The following DNAJC2 variants were observed in gnomAD, a reference collection of about 807,000 sequenced individuals.
DNAJC2 encodes the protein dnaJ homolog subfamily C member 2.
DNAJC2 carries 32 observed loss-of-function variants against 94.0 expected under a neutral mutation model. That is an observed-to-expected ratio of 0.34 (90% CI 0.26 to 0.46). The LOEUF (loss-of-function observed/expected upper bound fraction) is 0.46. Ranked by LOEUF, DNAJC2 falls within the 20% of genes least tolerant of loss-of-function variation. The pLI, the probability that DNAJC2 is intolerant of heterozygous loss-of-function variation, is 1.00. For synonymous variants in DNAJC2, 210 were observed against 229.7 expected, an observed-to-expected ratio of 0.91 and a Z score of 0.77; for missense variants, 550 against 719.5, an observed-to-expected ratio of 0.76 and a Z score of 2.69.
At chr7:103,337,278 T>A (rs77748730) in intron 3 of DNAJC2, 2,099 of 153,250 alleles carry the variant, frequency 0.014, 17 homozygotes, top group Middle Eastern at 0.031. Flanking sequence ...ACCTTGTCAA[T>A]GAAAACAACA....
chr7:103,312,343 T>A lies in DNAJC2; in HGVS notation c.*226A>T. 1.3e-6 allele frequency: 2 copies of A among 1,581,292 alleles called. No homozygotes were observed. The highest frequency in any genetic ancestry group is 1.7e-6 in the Non-Finnish European group (2 of 1,171,254). On this transcript the variant is annotated 3_prime_UTR_variant, in exon 17 of 17. Coordinates refer to ENST00000379263, the MANE Select transcript of DNAJC2 (RefSeq NM_014377.3). Reference sequence around the variant, plus strand: ...AGCTAGAGAAAAATAAAAATGAACATGTATATACATTTGGAAATTTGAATT... The same window carrying A: ...AGCTAGAGAAAAATAAAAATGAACAAGTATATACATTTGGAAATTTGAATT...
intron 13 of DNAJC2, chr7:103,316,581 C>T: frequency 4.5e-6 from 2 of 444,190 alleles, no homozygotes; most frequent in Non-Finnish European, 7.9e-6. Flanking sequence ...CAACATAAAT[C>T]AAGACTTGTC....
intron 5 of DNAJC2, 101 bp from the exon 6 acceptor site, chr7:103,324,663 C>T (rs1818606361): frequency 3.8e-6 from 4 of 1,063,076 alleles, no homozygotes; most frequent in Non-Finnish European, 5.0e-6. Flanking sequence ...TTACTAATTC[C>T]TCTGATTTCC....
chr7:103,317,130 C>T lies in DNAJC2; in HGVS notation c.1243-116G>A, dbSNP rs7811224. Reference sequence around the variant, plus strand: ...CTCAATGTCATTCTCACTCTGACCCCATACTCCTCTCAGGCCAACCCAAAA... The same window carrying T: ...CTCAATGTCATTCTCACTCTGACCCTATACTCCTCTCAGGCCAACCCAAAA... On this transcript the variant is annotated intron_variant, in intron 12 of 16. Transcript: ENST00000379263. 0.018 allele frequency: 16,401 copies of T among 919,788 alleles called. 1,824 individuals are homozygous for T. The African/African-American group carries it at 0.24, about 14-fold the overall frequency. The allele number at this position is 919,788 out of a possible 1,614,324, so 57.0% of individuals were successfully genotyped here. A position where few individuals can be genotyped will look rare whatever the true frequency, so the allele number is the denominator to read the frequency against.
In DNAJC2 at chr7:103,326,669, G is replaced by C; in HGVS notation, c.446C>G (p.Ser149Cys). 6.2e-7 allele frequency: 1 copy of C among 1,607,138 alleles called. No homozygotes were observed. Among genetic ancestry groups the C allele is most frequent in the Non-Finnish European group, 8.5e-7 (1 of 1,177,866 alleles). The stretch of plus-strand genomic sequence containing the variant: ...AAATGCTCGTCTTTTCACTGGATCA[G>C]ATAACATTTCATAAGCTGAGAAAAA... ...TCITKAYEML[S>C]DPVKRRAFNS... is the part of the protein sequence containing the mutation. The change falls in exon 5 of 17, where the codon TCT becomes TGT. Residue 149 changes from serine (S) to cysteine (C), a missense_variant. Around this residue, in one of 2 missense-constraint regions of DNAJC2, gnomAD observed 279 missense variants for 416.9 expected, o/e 0.67. Transcript: ENST00000379263.
chr7:103,343,069 G>A (rs553740170), intron 1 of DNAJC2, among the ~76,000 whole-genome samples: 9 of 151,328 alleles, frequency 5.9e-5, no homozygotes, highest in South Asian at 2.1e-4. Context: ...GCGCAATCTC[G>A]GCTCACTGCA....
chr7:103,323,249 A>G (rs1029578143), intron 7 of DNAJC2, among the ~76,000 whole-genome samples: 1 of 152,188 alleles, frequency 6.6e-6, no homozygotes, highest in Non-Finnish European at 1.5e-5. Context: ...GTTCTATTTA[A>G]TATTAATTTT....
chr7:103,322,969 G>A (rs890769236), intron 7 of DNAJC2, among the ~76,000 whole-genome samples, 175 bp from the exon 8 acceptor site: 3 of 149,564 alleles, frequency 2.0e-5, no homozygotes, highest in African/African-American at 2.5e-5. Context: ...TGCTCTTGTC[G>A]CCCAGGCTGG....
chr7:103,318,713 A>C (rs1042848936), intron 12 of DNAJC2, among the ~76,000 whole-genome samples: 1 of 152,228 alleles, frequency 6.6e-6, no homozygotes, highest in Non-Finnish European at 1.5e-5. Context: ...TGTAAAATAA[A>C]AGGTATAGAC....
chr7:103,312,657 A>G lies in DNAJC2; in HGVS notation c.1792-14T>C. The G allele has an allele frequency of 2.5e-6, 4 of 1,610,378 alleles. No individual in the cohort carries two copies. The highest frequency in any genetic ancestry group is 2.2e-5 in the East Asian group (1 of 44,840). On this transcript the variant is annotated splice_polypyrimidine_tract_variant and intron_variant, in intron 16 of 16. Transcript: ENST00000379263. ...CTCGACAAGTTCCTAGGAAGGGAGA[A>G]AGGTGTGATTTAAGAAGTTGCGATT...
In DNAJC2 at chr7:103,322,197, CTT is replaced by C. The variant is rs529603989; in HGVS notation, c.934-118_934-117del. The C allele has an allele frequency of 8.5e-4, 681 of 798,270 alleles. 2 individuals carry two copies. In the African/African-American group the frequency reaches 0.011, roughly 12 times the overall value. The allele number at this position is 798,270 out of a possible 1,614,324, so 49.4% of individuals were successfully genotyped here. The stretch of plus-strand genomic sequence containing the variant: ...ATATTAGGAAAAAAGGCAACATAAA[CTT>C]ATTGAAAACTGAAGGATGAACTCGG... On this transcript the variant is annotated intron_variant, in intron 9 of 16. Transcript: ENST00000379263.
chr7:103,321,921 G>A lies in DNAJC2; in HGVS notation c.1083+11C>T, dbSNP rs148392195. On this transcript the variant is annotated intron_variant, in intron 10 of 16. Coordinates refer to ENST00000379263, the MANE Select transcript of DNAJC2 (RefSeq NM_014377.3). ...TTTACTTGTGCCTAGTGTTTGTTCA[G>A]TCTGATATACCTTGCATGAGTTTCG... 1.9e-6 allele frequency: 3 copies of A among 1,609,444 alleles called. No homozygotes were observed. The highest frequency in any genetic ancestry group is 1.7e-6 in the Non-Finnish European group (2 of 1,177,934).
In DNAJC2 at chr7:103,341,836, C is replaced by T. The variant is rs1236837651; in HGVS notation, c.183G>A (p.Glu61=). ...ACTGCAATTCTTCATCTTCTGATTC[C>T]TCGGATAACTCTTTCTTATCCTCCA... The part of the protein sequence containing the change: ...QELEDKKELS[E]ESEDEELQLE... Residue 61 remains glutamate (E), a synonymous_variant, in exon 2 of 17, where the codon GAG becomes GAA. Coordinates refer to ENST00000379263, the MANE Select transcript of DNAJC2 (RefSeq NM_014377.3). 1.2e-6 allele frequency: 2 copies of T among 1,611,950 alleles called. No homozygotes were observed. Among genetic ancestry groups the T allele is most frequent in the Non-Finnish European group, 8.5e-7 (1 of 1,179,388 alleles).
At chr7:103,316,169 T>G (rs1342326133) in intron 13 of DNAJC2, 81 bp from the exon 14 acceptor site, 3 of 840,374 alleles carry the variant, frequency 3.6e-6, no homozygotes, top group East Asian at 2.7e-5. Flanking sequence ...AGATTTTTAC[T>G]GCAGAAAGGT....
chr7:103,327,576 T>TTGA, intron 4 of DNAJC2, 80 bp downstream of exon 4: 1 of 888,496 alleles, frequency 1.1e-6, no homozygotes, highest in Non-Finnish European at 1.8e-6. Context: ...TGAACTACAG[T>TTGA]ATGCATAAGA....
chr7:103,320,151 C>A (rs1372767620), intron 10 of DNAJC2, among the ~76,000 whole-genome samples: 2 of 152,144 alleles, frequency 1.3e-5, no homozygotes, highest in Admixed American at 6.5e-5. Context: ...TCCAGTGGCA[C>A]GAAATCGGCT....
At chr7:103,316,569 G>T in intron 13 of DNAJC2, 1 of 422,676 alleles carries the variant, frequency 2.4e-6, no homozygotes, top group Admixed American at 4.1e-5. Context: ...GACAGAGTAA[G>T]CCAACATAAA....
chr7:103,320,375 C>T (rs992553000), intron 10 of DNAJC2, among the ~76,000 whole-genome samples: 7 of 152,030 alleles, frequency 4.6e-5, no homozygotes, highest in African/African-American at 7.2e-5. Context: ...TGTGAGCCAC[C>T]GCGCCCGGCT....
At position 103,321,941 on chromosome 7, in the gene DNAJC2, G is replaced by A; in HGVS notation, c.1074C>T (p.Asn358=). Residue 358 remains asparagine (N), a synonymous_variant, in exon 10 of 17, where the codon AAC becomes AAT. Transcript: ENST00000379263. The part of the protein sequence containing the change: ...AIKKERQKLR[N]SCKTWNHFSD... ...GTTCAGTCTGATATACCTTGCATGA[G>A]TTTCGAAGTTTTTGCCTTTCCTTCT... is the stretch of plus-strand genomic sequence containing the variant. 2 of 1,613,340 alleles carry A rather than the reference G, an allele frequency of 1.2e-6. No individual in the cohort carries two copies. Among genetic ancestry groups the A allele is most frequent in the African/African-American group, 1.3e-5 (1 of 74,990 alleles).
Sources: gnomAD v4.1 joint callset for allele counts (sites outside exome capture counted in the v4.1 genomes callset) on GRCh38, gnomAD v4.1.1 for gene constraint, gnomAD v4.1.1 regional missense constraint, MANE v1.5 for transcripts, NCBI Gene and HGNC (gene_info 2026-07-23, HGNC 2026-07-21) for gene names.